The following ATP6V1G3 variants were observed in gnomAD, a reference collection of about 807,000 sequenced individuals.
ATP6V1G3 encodes V-type proton ATPase subunit G 3.
Under a neutral mutation model 9.3 loss-of-function variants are expected in ATP6V1G3, and 9 were observed. The ratio of observed to expected loss-of-function variants is 0.97; its 90% CI spans 0.59 to 1.69. The LOEUF (loss-of-function observed/expected upper bound fraction) is 1.69. Among genes scored for constraint, ATP6V1G3 ranks in the 40% most tolerant of loss-of-function variants. ATP6V1G3 has a pLI of 0.00. For missense variants in ATP6V1G3, 133 were observed against 139.0 expected (o/e 0.96, Z 0.22); for synonymous variants, 43 against 43.8 (o/e 0.98, Z 0.07).
rs186018806 is a variant in ATP6V1G3 at position 198,524,333 on chromosome 1, C to T, written c.184-769G>A. 8.6e-4 allele frequency among the ~76,000 whole-genome samples: 131 copies of T among 152,124 alleles called. No homozygotes were observed. In the Middle Eastern group the frequency reaches 0.017, roughly 20 times the overall value. The stretch of plus-strand genomic sequence containing the variant: ...AGAGACCGGGTTTCACTTTGTTGGC[C>T]AGGCTGGTCTCGAACTCCTGACCTG... On this transcript the variant is annotated intron_variant, in intron 2 of 2. Coordinates refer to ENST00000367382, the MANE Select transcript of ATP6V1G3 (RefSeq NM_001376861.1).
rs752568625 is a variant in ATP6V1G3 at position 198,523,386 on chromosome 1, T to C, written c.*5A>G. The C allele has an allele frequency of 2.5e-6, 4 of 1,610,740 alleles. No homozygotes were observed. The highest frequency in any genetic ancestry group is 3.4e-6 in the Non-Finnish European group (4 of 1,178,382). ...TTTTTTTTTCTTGAAAACTGTGATG[T>C]ACATTTAGTTGGTGGCTCTGTAGTT... is the stretch of plus-strand genomic sequence containing the variant. On this transcript the variant is annotated 3_prime_UTR_variant, in exon 3 of 3. Coordinates refer to ENST00000367382, the MANE Select transcript of ATP6V1G3 (RefSeq NM_001376861.1).
Position 198,536,843 on chromosome 1 carries a change from T to A in ATP6V1G3, c.82+3726A>T, listed in dbSNP as rs1660133340. On this transcript the variant is annotated intron_variant, in intron 1 of 2. Transcript: ENST00000367382. ...GACATATATTAAAAATAAAAATAAC[T>A]CTAGTGTGTATTTTGCTTTACTATC... 6 of 799,476 alleles carry A rather than the reference T, an allele frequency of 7.5e-6. No homozygotes were observed. The South Asian group carries it at 1.4e-4, about 19-fold the overall frequency. 49.5% of individuals were successfully genotyped at this position (799,476 alleles called of 1,614,324 possible).
intron 1 of ATP6V1G3, among the ~76,000 whole-genome samples, chr1:198,533,080 T>C (rs926232158): frequency 1.1e-4 from 16 of 151,706 alleles, no homozygotes; most frequent in Admixed American, 3.3e-4. Flanking sequence ...CTGAGGCAGG[T>C]GGATCATGAG....
intron 1 of ATP6V1G3, among the ~76,000 whole-genome samples, chr1:198,534,689 G>A (rs1226475240): frequency 6.6e-6 from 1 of 152,112 alleles, no homozygotes; most frequent in Non-Finnish European, 1.5e-5. Flanking sequence ...TGCATAAACA[G>A]TTCAGAAGCC....
In ATP6V1G3 at chr1:198,523,247, T is replaced by A. The variant is rs537568795; in HGVS notation, c.*144A>T. ...TTGTATTTTGTTTTGTTTAATTCAG[T>A]GCCGATGTATGAGTTATGTCACATT... On this transcript the variant is annotated 3_prime_UTR_variant, in exon 3 of 3. Transcript: ENST00000367382. 1 of 765,232 alleles carries A rather than the reference T, an allele frequency of 1.3e-6. No homozygotes were observed. The highest frequency in any genetic ancestry group is 3.0e-5 in the Admixed American group (1 of 33,488). The allele number at this position is 765,232 out of a possible 1,614,324, so 47.4% of individuals were successfully genotyped here.
At chr1:198,536,648 G>C in intron 1 of ATP6V1G3, 1 of 1,549,402 alleles carries the variant, frequency 6.5e-7, no homozygotes, top group Non-Finnish European at 8.9e-7. Context: ...GTGAATACAG[G>C]AAAGTATCTG....
chr1:198,537,080 T>C lies in ATP6V1G3; in HGVS notation c.82+3489A>G, dbSNP rs566124750. Among the ~76,000 whole-genome samples the C allele has an allele frequency of 1.6e-3, 251 of 152,290 alleles. 2 individuals are homozygous for C. The highest frequency in any genetic ancestry group is 5.8e-3 in the African/African-American group (242 of 41,572). ...CGAAGCCTGTCCACATTCCTGCCCA[T>C]GTCCCTGTCAGATTTCATCTCTCTC... On this transcript the variant is annotated intron_variant, in intron 1 of 2. Transcript: ENST00000367382.
At chr1:198,532,006 TGAG>T (rs771716663) in intron 1 of ATP6V1G3, among the ~76,000 whole-genome samples, 11 of 151,986 alleles carry the variant, frequency 7.2e-5, no homozygotes, top group Non-Finnish European at 7.4e-5. Context: ...AGCGTGAGTT[TGAG>T]GAGAAGTCCT....
rs746161786 is a variant in ATP6V1G3, at chr1:198,536,725, C to T, written c.82+3844G>A. On this transcript the variant is annotated intron_variant, in intron 1 of 2. Coordinates refer to ENST00000367382, the MANE Select transcript of ATP6V1G3 (RefSeq NM_001376861.1). ...CGTTTTAGGAAAAGTAGATGCAGAA[C>T]TTACAGCAGGGGTAAAAACAAATGG... The T allele has an allele frequency of 3.7e-6, 6 of 1,603,688 alleles. No homozygotes were observed. In the South Asian group the frequency reaches 6.6e-5, roughly 18 times the overall value.
intron 1 of ATP6V1G3, among the ~76,000 whole-genome samples, chr1:198,535,081 G>T (rs999779109): frequency 6.6e-6 from 1 of 152,014 alleles, no homozygotes; most frequent in Non-Finnish European, 1.5e-5. Flanking sequence ...AAATAGTTTT[G>T]TGTAGCTCCT....
chr1:198,528,527 T>C (rs989360155), intron 2 of ATP6V1G3, among the ~76,000 whole-genome samples: 1 of 152,128 alleles, frequency 6.6e-6, no homozygotes, highest in Admixed American at 6.6e-5. Context: ...CTGCAGATAT[T>C]TAAAAATGTG....
At position 198,523,507 on chromosome 1, in the gene ATP6V1G3, T is replaced by A. The variant is rs112568629; in HGVS notation, c.241A>T (p.Ile81Leu). The change falls in exon 3 of 3, where the codon ATA becomes TTA. Residue 81 changes from isoleucine to leucine, a missense_variant. Physicochemically the swap from Ile to Leu is conservative, Grantham distance 5 (BLOSUM62 2). Coordinates refer to ENST00000367382, the MANE Select transcript of ATP6V1G3 (RefSeq NM_001376861.1). ...TTGTAGTGTCCATTAAGTTCTTGTA[T>A]CTTCCCTAGTGTTTGTTCTTCTATT... ...DEIEEQTLGK[I>L]QELNGHYNKY... The A allele has an allele frequency of 1.2e-6, 2 of 1,613,586 alleles. No individual in the cohort carries two copies. The highest frequency in any genetic ancestry group is 4.5e-5 in the East Asian group (2 of 44,828).
At chr1:198,524,591 A>G (rs759533156) in intron 2 of ATP6V1G3, among the ~76,000 whole-genome samples, 4 of 152,084 alleles carry the variant, frequency 2.6e-5, no homozygotes, top group African/African-American at 9.7e-5. Context: ...AGTATTTTCT[A>G]TTATCTCCTC....
chr1:198,532,877 A>G (rs1462605356), intron 1 of ATP6V1G3, among the ~76,000 whole-genome samples: 1 of 152,186 alleles, frequency 6.6e-6, no homozygotes, highest in East Asian at 1.9e-4. Context: ...GAATGTTAGG[A>G]GATGGTATTA....
intron 1 of ATP6V1G3, among the ~76,000 whole-genome samples, chr1:198,539,510 G>T (rs1558183222): frequency 2.0e-5 from 3 of 152,104 alleles, no homozygotes; most frequent in Admixed American, 6.5e-5. Context: ...CTTGGCCTTG[G>T]GAATCTGAAT....
Position 198,540,566 on chromosome 1 carries a change from T to TA in ATP6V1G3, c.82+2dup, listed in dbSNP as rs1334993276. On this transcript the variant is annotated splice_region_variant and intron_variant, in intron 1 of 2. Coordinates refer to ENST00000367382, the MANE Select transcript of ATP6V1G3 (RefSeq NM_001376861.1). ...TGACAGACCCCTCACAGGTGAGACT[T>TA]ACTCTTCTTGGCTTCCTCTAGCTTG... 1 of 1,612,236 alleles carries TA rather than the reference T, an allele frequency of 6.2e-7. No individual in the cohort carries two copies. Among genetic ancestry groups the TA allele is most frequent in the South Asian group, 1.1e-5 (1 of 89,958 alleles).
upstream of ATP6V1G3, chr1:198,540,808 C>G (rs1660316713): frequency 4.3e-6 from 3 of 698,348 alleles, no homozygotes; most frequent in Non-Finnish European, 7.4e-6. Flanking sequence ...TAGCTGGGTC[C>G]CAAGGAAAGC....
intron 1 of ATP6V1G3, among the ~76,000 whole-genome samples, chr1:198,534,553 C>T (rs1490200275): frequency 6.6e-6 from 1 of 152,120 alleles, no homozygotes; most frequent in Non-Finnish European, 1.5e-5. Flanking sequence ...CTCTAGGAAA[C>T]AAATGCAGAG....
At chr1:198,537,164 T>C (rs1021602279) in intron 1 of ATP6V1G3, among the ~76,000 whole-genome samples, 1 of 152,172 alleles carries the variant, frequency 6.6e-6, no homozygotes, top group Non-Finnish European at 1.5e-5. Context: ...ATAGACCGCG[T>C]GGCCTTCTGG....
Sources: allele counts gnomAD v4.1 joint callset (sites outside exome capture counted in the v4.1 genomes callset), GRCh38; gene constraint gnomAD v4.1.1; transcripts MANE v1.5; gene names NCBI Gene and HGNC (gene_info 2026-07-23, HGNC 2026-07-21).